TIAL1: variants seen among roughly 807,000 people sequenced by gnomAD.
TIAL1 encodes TIA1 cytotoxic granule associated RNA binding protein like 1.
TIAL1 carries 7 observed loss-of-function variants against 59.7 expected under a neutral mutation model. That is an observed-to-expected ratio of 0.12 (90% confidence interval 0.07 to 0.22). The LOEUF is 0.22. Among genes scored for constraint, TIAL1 ranks in the 10% least tolerant of loss-of-function variants. The pLI, the probability that TIAL1 is intolerant of heterozygous loss-of-function variation, is 1.00. For synonymous variants in TIAL1, 149 were observed against 146.3 expected (o/e 1.02, Z -0.13); for missense variants, 225 against 462.5 (o/e 0.49, Z 4.71).
intron 1 of TIAL1, among the ~76,000 whole-genome samples, chr10:119,594,159 A>T (rs946527069): frequency 1.3e-5 from 2 of 152,182 alleles, no homozygotes; most frequent in Admixed American, 6.5e-5. Flanking sequence ...AAAACAACAG[A>T]GTTAAGATGT....
intron 11 of TIAL1, among the ~76,000 whole-genome samples, 180 bp downstream of exon 11, chr10:119,576,431 G>A (rs994014781): frequency 3.3e-5 from 5 of 152,056 alleles, no homozygotes; most frequent in Non-Finnish European, 7.4e-5. Flanking sequence ...TTCCACCTAG[G>A]TAATGAGAAG....
chr10:119,584,692 G>A (rs569559817), intron 2 of TIAL1, among the ~76,000 whole-genome samples: 1 of 152,260 alleles, frequency 6.6e-6, no homozygotes, highest in African/African-American at 2.4e-5. Flanking sequence ...AGCTGGGTGT[G>A]GTGGCGGGCG....
At chr10:119,593,322 A>G (rs1845986816) in intron 1 of TIAL1, 2 of 237,650 alleles carry the variant, frequency 8.4e-6, no homozygotes, top group South Asian at 3.1e-4. Context: ...GAAGAACATC[A>G]GAAAACAGAC....
At chr10:119,588,437 A>C in intron 1 of TIAL1, 189 bp from the exon 2 acceptor site, 3 of 354,476 alleles carry the variant, frequency 8.5e-6, no homozygotes, top group Non-Finnish European at 1.5e-5. Context: ...TCCGCCTCCC[A>C]GATTCAAACG....
At chr10:119,595,997 G>C (rs1212831415) in intron 1 of TIAL1, among the ~76,000 whole-genome samples, 1 of 151,934 alleles carries the variant, frequency 6.6e-6, no homozygotes, top group Non-Finnish European at 1.5e-5. Context: ...GAAGGGGTGA[G>C]TGCTAATTCC....
intron 1 of TIAL1, among the ~76,000 whole-genome samples, chr10:119,588,986 T>C (rs185217636): frequency 3.4e-4 from 52 of 152,322 alleles, no homozygotes; most frequent in African/African-American, 1.2e-3. Flanking sequence ...TAATAGGATA[T>C]TAAACATAAA....
intron 1 of TIAL1, among the ~76,000 whole-genome samples, chr10:119,589,933 T>C (rs1377353614): frequency 1.3e-5 from 2 of 152,160 alleles, no homozygotes; most frequent in Non-Finnish European, 2.9e-5. Context: ...ATATATTACA[T>C]CTGGAAACTG....
At chr10:119,590,529 G>C (rs1328716394) in intron 1 of TIAL1, among the ~76,000 whole-genome samples, 1 of 151,926 alleles carries the variant, frequency 6.6e-6, no homozygotes, top group Non-Finnish European at 1.5e-5. Flanking sequence ...GACCAACATG[G>C]TGAAACCCTG....
intron 1 of TIAL1, among the ~76,000 whole-genome samples, chr10:119,589,651 T>C (rs934858741): frequency 2.0e-5 from 3 of 152,208 alleles, no homozygotes; most frequent in Non-Finnish European, 4.4e-5. Context: ...ATTGAATGTG[T>C]TTTGTGTAAA....
chr10:119,594,899 A>T (rs1250217254), intron 1 of TIAL1, among the ~76,000 whole-genome samples: 2 of 152,194 alleles, frequency 1.3e-5, no homozygotes, highest in African/African-American at 4.8e-5. Flanking sequence ...CTGGGATTAC[A>T]GGCGTGAGCC....
chr10:119,577,715 A>T lies in TIAL1; in HGVS notation c.578T>A (p.Phe193Tyr). ...ACTTGACTGGTTTACTACATCTTCA[A>T]ATCTCAACTGCTTAGTGTTGTCTGT... ...TQENNTKQLR[F>Y]EDVVNQSSPK... Residue 193 changes from phenylalanine (F) to tyrosine (Y), a missense_variant, in exon 8 of 12, where the codon TTT becomes TAT. Phe to Tyr is a conservative substitution (Grantham distance 22). Transcript: ENST00000436547. The T allele has an allele frequency of 6.2e-7, 1 of 1,614,114 alleles. No individual in the cohort carries two copies. Among genetic ancestry groups the T allele is most frequent in the South Asian group, 1.1e-5 (1 of 91,084 alleles).
At chr10:119,592,075 T>C (rs371629959) in intron 1 of TIAL1, 3 of 152,182 alleles carry the variant, frequency 2.0e-5, no homozygotes, top group Admixed American at 6.5e-5. Context: ...GGTTATGAAA[T>C]AGTCAAGCTA....
chr10:119,586,865 T>C (rs532463237), intron 2 of TIAL1, among the ~76,000 whole-genome samples: 3 of 152,320 alleles, frequency 2.0e-5, no homozygotes, highest in South Asian at 4.1e-4. Context: ...TCTCATCACC[T>C]AGCCTATATA....
chr10:119,591,434 A>G (rs1055551252), intron 1 of TIAL1, among the ~76,000 whole-genome samples: 2 of 152,092 alleles, frequency 1.3e-5, no homozygotes, highest in African/African-American at 2.4e-5. Flanking sequence ...CTTTATTCTA[A>G]GTCAACCTAT....
intron 2 of TIAL1, among the ~76,000 whole-genome samples, chr10:119,584,698 G>A (rs538177223): frequency 2.6e-5 from 4 of 152,146 alleles, no homozygotes; most frequent in Middle Eastern, 3.4e-3. Context: ...GTGTGGTGGC[G>A]GGCGCCTGTA....
Position 119,582,706 on chromosome 10 carries a change from T to G in TIAL1, c.130-149A>C. On this transcript the variant is annotated intron_variant, in intron 2 of 11. Coordinates refer to ENST00000436547, the MANE Select transcript of TIAL1 (RefSeq NM_003252.4). This position sits in a 1 kb window ranked among gnomAD's most constrained non-coding sequence, Gnocchi z 5.1. ...AAAGCCTAACACTTTTTAAATAAGATTTAAAGCTAAACCTGACTTTGCACC... is the reference window on the plus strand; with the variant it reads ...AAAGCCTAACACTTTTTAAATAAGAGTTAAAGCTAAACCTGACTTTGCACC... 1 of 1,309,224 alleles carries G rather than the reference T, an allele frequency of 7.6e-7. No individual in the cohort carries two copies. The allele number at this position is 1,309,224 out of a possible 1,614,324, so 81.1% of individuals were successfully genotyped here. A position where few individuals can be genotyped will look rare whatever the true frequency, so the allele number is the denominator to read the frequency against.
chr10:119,581,999 A>G lies in TIAL1; in HGVS notation c.294T>C (p.His98=). 1 of 1,613,530 alleles carries G rather than the reference A, an allele frequency of 6.2e-7. No individual in the cohort carries two copies. The highest frequency in any genetic ancestry group is 8.5e-7 in the Non-Finnish European group (1 of 1,179,618). Reference sequence around the variant, plus strand: ...CTGGACTCAAATCCCCAACAAACACATGGAAGTGATCTGAAATCAGAGCAT... The same window carrying G: ...CTGGACTCAAATCCCCAACAAACACGTGGAAGTGATCTGAAATCAGAGCAT... The part of the protein sequence containing the change: ...SQKKDTSNHF[H]VFVGDLSPEI... Residue 98 remains histidine, a synonymous_variant, in exon 5 of 12, where the codon CAT becomes CAC. Transcript: ENST00000436547.
At chr10:119,588,331 C>CTTTA in intron 1 of TIAL1, 83 bp from the exon 2 acceptor site, 1 of 71,952 alleles carries the variant, frequency 1.4e-5, no homozygotes, top group Non-Finnish European at 4.4e-5. Flanking sequence ...ATCACCTTTT[C>CTTTA]TTTCTTTCTT....
intron 10 of TIAL1, 100 bp downstream of exon 10, chr10:119,576,980 C>G (rs949498686): frequency 6.9e-7 from 1 of 1,458,936 alleles, no homozygotes; most frequent in Non-Finnish European, 9.3e-7. Context: ...CTGAAAGTAG[C>G]TATATGCTTT....
Sources: gnomAD v4.1 joint callset for allele counts (sites outside exome capture counted in the v4.1 genomes callset) on GRCh38, gnomAD v4.1.1 for gene constraint, Gnocchi (gnomAD v3.1) non-coding constraint, MANE v1.5 for transcripts, NCBI Gene and HGNC (gene_info 2026-07-23, HGNC 2026-07-21) for gene names.